THSD4: variants seen among roughly 807,000 people sequenced by gnomAD.
The protein encoded by THSD4 is thrombospondin type-1 domain-containing protein 4.
Under a neutral mutation model 119.0 loss-of-function variants are expected in THSD4, and 69 were observed. The observed-to-expected ratio is 0.58, with a 90% confidence interval of 0.48 to 0.71. The LOEUF is 0.71. THSD4 is among the 30% of genes least tolerant of loss of function. The pLI is 0.00. For missense variants in THSD4, 1,393 were observed against 1,391.1 expected (o/e 1.00, Z -0.02); for synonymous variants, 524 against 540.4 (o/e 0.97, Z 0.42).
At chr15:71,352,444 C>A (rs747838521) in intron 6 of THSD4, among the ~76,000 whole-genome samples, 1 of 152,164 alleles carries the variant, frequency 6.6e-6, no homozygotes, top group Non-Finnish European at 1.5e-5. Context: ...ATGTTTCCCA[C>A]GGTCATGGCC....
intron 9 of THSD4, chr15:71,729,050 T>G (rs1036787532): frequency 1.8e-5 from 6 of 341,376 alleles, no homozygotes; most frequent in Non-Finnish European, 3.3e-5. Flanking sequence ...CTCCAGGCAC[T>G]TTCCTTATAC....
At chr15:71,409,642 G>T (rs1286292604) in intron 6 of THSD4, among the ~76,000 whole-genome samples, 3 of 152,150 alleles carry the variant, frequency 2.0e-5, no homozygotes, top group African/African-American at 7.2e-5. Flanking sequence ...GTATCTAGAC[G>T]ATGCAGTCTT....
At position 71,356,012 on chromosome 15, in the gene THSD4, C is replaced by T. The variant is rs1239372487; in HGVS notation, c.1016-55675C>T. 4.6e-5 allele frequency among the ~76,000 whole-genome samples: 7 copies of T among 152,014 alleles called. No individual in the cohort carries two copies. In the East Asian group the frequency reaches 7.7e-4, roughly 17 times the overall value. On this transcript the variant is annotated intron_variant, in intron 6 of 17. Transcript: ENST00000261862. ...CCTCCTGAGTAGCTGGGACTACAGG[C>T]GTGCGTCACCACACCTGGCTAATTT...
chr15:71,157,370 A>G (rs8036662), intron 3 of THSD4, among the ~76,000 whole-genome samples: 9,269 of 152,230 alleles, frequency 0.061, 454 homozygotes, highest in African/African-American at 0.14. Context: ...ATTTGGTGGT[A>G]TTTTAATACA....
intron 6 of THSD4, among the ~76,000 whole-genome samples, chr15:71,377,859 A>G (rs112695718): frequency 2.8e-5 from 3 of 108,176 alleles, no homozygotes; most frequent in African/African-American, 9.4e-5. Context: ...ATTCCCGGAC[A>G]TATCCACAAC....
At chr15:71,208,135 C>T (rs1596269577) in intron 3 of THSD4, among the ~76,000 whole-genome samples, 1 of 152,180 alleles carries the variant, frequency 6.6e-6, no homozygotes. Context: ...GTCCATTGAT[C>T]CACATTGCCT....
intron 6 of THSD4, among the ~76,000 whole-genome samples, chr15:71,288,942 G>T (rs1219525660): frequency 1.8e-4 from 28 of 152,198 alleles, no homozygotes; most frequent in Admixed American, 1.8e-3. Flanking sequence ...CCAGCTGGAA[G>T]AGGTCTCTGT....
At chr15:71,567,625 A>G (rs1163829964) in intron 7 of THSD4, among the ~76,000 whole-genome samples, 1 of 150,188 alleles carries the variant, frequency 6.7e-6, no homozygotes, top group South Asian at 2.1e-4. Context: ...CACACACATG[A>G]AAGAGAGTCA....
chr15:71,156,703 T>G (rs528544290), intron 3 of THSD4, among the ~76,000 whole-genome samples: 1 of 152,358 alleles, frequency 6.6e-6, no homozygotes, highest in Admixed American at 6.5e-5. Context: ...ATTTATTTTC[T>G]GTTTGGGCTC....
intron 17 of THSD4, among the ~76,000 whole-genome samples, chr15:71,773,165 C>A (rs1445784361): frequency 7.5e-6 from 1 of 132,980 alleles, no homozygotes; most frequent in African/African-American, 2.9e-5. Flanking sequence ...CGCACCACTG[C>A]ACTCCAGCCT....
At chr15:71,270,298 A>C (rs1478801703) in intron 6 of THSD4, among the ~76,000 whole-genome samples, 1 of 152,212 alleles carries the variant, frequency 6.6e-6, no homozygotes, top group African/African-American at 2.4e-5. Flanking sequence ...ATAATGCCAC[A>C]CTTCCACAAC....
chr15:71,716,534 C>G (rs1270446282), intron 8 of THSD4, among the ~76,000 whole-genome samples: 1 of 25,284 alleles, frequency 4.0e-5, no homozygotes, highest in African/African-American at 4.7e-5. Context: ...TCATAGAGCA[C>G]TTTCCTGTTT....
chr15:71,639,996 A>G (rs2050823952), intron 7 of THSD4, among the ~76,000 whole-genome samples: 1 of 152,240 alleles, frequency 6.6e-6, no homozygotes, highest in South Asian at 2.1e-4. Flanking sequence ...AGATAGGTCA[A>G]GAAAGAAATT....
intron 3 of THSD4, among the ~76,000 whole-genome samples, chr15:71,194,569 C>G (rs933587854): frequency 1.3e-5 from 2 of 152,216 alleles, no homozygotes; most frequent in African/African-American, 4.8e-5. Flanking sequence ...GGCCCGGTTC[C>G]TACGTGTCAC....
intron 1 of THSD4, among the ~76,000 whole-genome samples, chr15:71,116,195 T>G (rs577216999): frequency 6.6e-5 from 10 of 152,268 alleles, no homozygotes; most frequent in Admixed American, 1.3e-4. Context: ...CGGATCTGTG[T>G]GTCTGTCTGT....
intron 7 of THSD4, among the ~76,000 whole-genome samples, chr15:71,577,035 G>A (rs1330601713): frequency 6.6e-6 from 1 of 151,558 alleles, no homozygotes; most frequent in South Asian, 2.1e-4. Context: ...GGAAAGTACT[G>A]GATTATGCAG....
At chr15:71,669,223 A>G (rs898517628) in intron 8 of THSD4, among the ~76,000 whole-genome samples, 75 of 152,154 alleles carry the variant, frequency 4.9e-4, no homozygotes, top group African/African-American at 1.8e-3. Flanking sequence ...TTTCCTGACC[A>G]CTAATTTTTA....
At chr15:71,453,494 A>G (rs1381090240) in intron 7 of THSD4, among the ~76,000 whole-genome samples, 2 of 152,218 alleles carry the variant, frequency 1.3e-5, no homozygotes, top group Non-Finnish European at 2.9e-5. Context: ...TACATTGGAT[A>G]ATAATTGGAA....
At chr15:71,757,555 C>CGAGTAGTTGGG (rs1289972632) in intron 14 of THSD4, among the ~76,000 whole-genome samples, 21 of 151,876 alleles carry the variant, frequency 1.4e-4, no homozygotes, top group East Asian at 3.9e-4. Flanking sequence ...TTCAGCCTCC[C>CGAGTAGTTGGG]AAAGCTCTGG....
Sources: gnomAD v4.1 joint callset for allele counts (sites outside exome capture counted in the v4.1 genomes callset) on GRCh38, gnomAD v4.1.1 for gene constraint, MANE v1.5 for transcripts, NCBI Gene and HGNC (gene_info 2026-07-23, HGNC 2026-07-21) for gene names.